The following RAB3IP variants were observed in gnomAD, a reference collection of about 807,000 sequenced individuals.
RAB3IP encodes the protein rab-3A-interacting protein.
In RAB3IP, 36 loss-of-function variants were observed where a neutral mutation model predicts 59.1. The ratio of observed to expected loss-of-function variants is 0.61; its 90% CI spans 0.47 to 0.80. The LOEUF (loss-of-function observed/expected upper bound fraction) is 0.80. Ranked by LOEUF, RAB3IP falls within the 30% of genes least tolerant of loss-of-function variation. RAB3IP has a pLI of 0.00. For missense variants in RAB3IP, 511 were observed against 536.0 expected, an observed-to-expected ratio of 0.95 and a Z score of 0.46; for synonymous variants, 207 against 191.2, an observed-to-expected ratio of 1.08 and a Z score of -0.68.
intron 3 of RAB3IP, among the ~76,000 whole-genome samples, chr12:69,762,523 C>T (rs538690506): frequency 4.0e-5 from 6 of 151,842 alleles, no homozygotes; most frequent in Admixed American, 6.5e-5. Flanking sequence ...TTTGGGAGGC[C>T]GAGGCGGGCA....
chr12:69,760,404 A>C lies in RAB3IP; in HGVS notation c.510+3741A>C, dbSNP rs565147548. ...GGCGAGGGAGACCGTGGGGAGAGGGAGAGGGAGACTGTGGGGAGAGGGAGA... is the reference window on the plus strand; with the variant it reads ...GGCGAGGGAGACCGTGGGGAGAGGGCGAGGGAGACTGTGGGGAGAGGGAGA... On this transcript the variant is annotated intron_variant, in intron 3 of 10. Coordinates refer to ENST00000247833, the MANE Select transcript of RAB3IP (RefSeq NM_022456.5). Among the ~76,000 whole-genome samples, 829 of 152,126 alleles carry C rather than the reference A, an allele frequency of 5.4e-3. 3 individuals carry two copies. The highest frequency in any genetic ancestry group is 8.0e-3 in the Non-Finnish European group (546 of 67,956).
intron 1 of RAB3IP, among the ~76,000 whole-genome samples, chr12:69,745,104 C>T (rs1868276095): frequency 6.6e-6 from 1 of 152,074 alleles, no homozygotes; most frequent in Non-Finnish European, 1.5e-5. Flanking sequence ...TCATGTAGCC[C>T]AGTAACTATC....
intron 10 of RAB3IP, among the ~76,000 whole-genome samples, chr12:69,814,523 G>A (rs961408709): frequency 6.6e-6 from 1 of 152,044 alleles, no homozygotes; most frequent in African/African-American, 2.4e-5. Context: ...TCTTTGTTGT[G>A]GGGGACGGTC....
intron 1 of RAB3IP, among the ~76,000 whole-genome samples, chr12:69,751,754 T>C (rs1869341957): frequency 6.6e-6 from 1 of 152,138 alleles, no homozygotes; most frequent in South Asian, 2.1e-4. Context: ...ATTTATGTTG[T>C]TATGTTTTAA....
chr12:69,781,740 G>C (rs1411404439), intron 3 of RAB3IP, among the ~76,000 whole-genome samples: 2 of 152,158 alleles, frequency 1.3e-5, no homozygotes, highest in South Asian at 2.1e-4. Flanking sequence ...ATATTTCACT[G>C]TCTGGATGTA....
chr12:69,739,730 G>A lies in RAB3IP; in HGVS notation c.-26+699G>A, dbSNP rs1887092469. 2.9e-6 allele frequency: 3 copies of A among 1,030,834 alleles called. No individual in the cohort carries two copies. The Admixed American group carries it at 5.4e-5, about 19-fold the overall frequency. 63.9% of individuals were successfully genotyped at this position (1,030,834 alleles called of 1,614,324 possible). On this transcript the variant is annotated intron_variant, in intron 1 of 10. Transcript: ENST00000247833. ...CGAACTGCACGGGTGGGATTGCATG[G>A]CTCTGCCCTCCCAGCGTTGACAACT... is the stretch of plus-strand genomic sequence containing the variant.
intron 6 of RAB3IP, among the ~76,000 whole-genome samples, chr12:69,798,671 G>A (rs1400009444): frequency 6.6e-6 from 1 of 152,178 alleles, no homozygotes; most frequent in Non-Finnish European, 1.5e-5. Context: ...TAACATTTAA[G>A]TCTTTAATCC....
chr12:69,797,452 G>A (rs1324209448), intron 6 of RAB3IP, among the ~76,000 whole-genome samples: 1 of 140,174 alleles, frequency 7.1e-6, no homozygotes, highest in African/African-American at 2.7e-5. Flanking sequence ...CCTGCTTTGG[G>A]GTTTATGTCC....
At chr12:69,800,391 T>C (rs1670897268) in intron 7 of RAB3IP, 54 bp downstream of exon 7, 3 of 1,074,694 alleles carry the variant, frequency 2.8e-6, no homozygotes, top group Non-Finnish European at 4.0e-6. Flanking sequence ...TGTACTTCTT[T>C]TAAACTAAAT....
In RAB3IP at chr12:69,746,109, A is replaced by G. The variant is rs181345690; in HGVS notation, c.-26+7078A>G. 1.6e-3 allele frequency among the ~76,000 whole-genome samples: 239 copies of G among 152,310 alleles called. 1 individual carries two copies. Among genetic ancestry groups the G allele is most frequent in the African/African-American group, 5.6e-3 (232 of 41,558 alleles). On this transcript the variant is annotated intron_variant, in intron 1 of 10. Transcript: ENST00000247833. ...GCCTCCATCCCCTCATTCCCAGTGCATGACCTTGGCATTAGATCAGACAGT... is the reference window on the plus strand; with the variant it reads ...GCCTCCATCCCCTCATTCCCAGTGCGTGACCTTGGCATTAGATCAGACAGT...
chr12:69,762,944 A>G (rs560159137), intron 3 of RAB3IP, among the ~76,000 whole-genome samples: 1 of 152,106 alleles, frequency 6.6e-6, no homozygotes, highest in Non-Finnish European at 1.5e-5. Context: ...AAACATTAAC[A>G]AATATTTTTT....
intron 1 of RAB3IP, among the ~76,000 whole-genome samples, chr12:69,740,199 G>A (rs965406498): frequency 6.6e-6 from 1 of 152,086 alleles, no homozygotes; most frequent in African/African-American, 2.4e-5. Flanking sequence ...GACAAATCAA[G>A]GAGAAAAGAG....
chr12:69,819,869 T>C lies in RAB3IP; in HGVS notation c.*4423T>C, dbSNP rs1031856332. The C allele has an allele frequency of 3.9e-5, 6 of 152,210 alleles. No homozygotes were observed. The highest frequency in any genetic ancestry group is 6.5e-5 in the Admixed American group (1 of 15,274). The allele number at this position is 152,210 out of a possible 1,614,324, so 9.4% of individuals were successfully genotyped here. On this transcript the variant is annotated 3_prime_UTR_variant, in exon 11 of 11. Transcript: ENST00000247833. ...AAGGTTAGTTAGGTGGCCACTCCTC[T>C]CTCTTCATGGTCTCTCTCAGCTTGA...
At chr12:69,799,957 A>T (rs529046536) in intron 6 of RAB3IP, among the ~76,000 whole-genome samples, 2 of 152,066 alleles carry the variant, frequency 1.3e-5, no homozygotes, top group Non-Finnish European at 2.9e-5. Flanking sequence ...GAAAAAGGCT[A>T]ATTGGTTATT....
At chr12:69,813,388 G>A (rs1880737476) in intron 10 of RAB3IP, among the ~76,000 whole-genome samples, 1 of 152,154 alleles carries the variant, frequency 6.6e-6, no homozygotes, top group Non-Finnish European at 1.5e-5. Context: ...GAGTAGGCCA[G>A]CAAAGTGGTC....
intron 4 of RAB3IP, among the ~76,000 whole-genome samples, chr12:69,787,161 A>T (rs960674599): frequency 6.6e-6 from 1 of 152,172 alleles, no homozygotes; most frequent in Admixed American, 6.5e-5. Context: ...GACATGTATA[A>T]TAGGAGTCTA....
At chr12:69,780,099 G>A (rs1874422624) in intron 3 of RAB3IP, among the ~76,000 whole-genome samples, 1 of 152,114 alleles carries the variant, frequency 6.6e-6, no homozygotes, top group East Asian at 1.9e-4. Context: ...TGGTGCTCCA[G>A]CCAGGATATA....
At chr12:69,766,634 C>G (rs943963540) in intron 3 of RAB3IP, among the ~76,000 whole-genome samples, 2 of 152,050 alleles carry the variant, frequency 1.3e-5, no homozygotes, top group Admixed American at 6.5e-5. Context: ...GATTCTCCTG[C>G]CTCAGTCTCC....
intron 3 of RAB3IP, among the ~76,000 whole-genome samples, chr12:69,760,763 G>A (rs1254608573): frequency 6.6e-6 from 1 of 151,986 alleles, no homozygotes; most frequent in Non-Finnish European, 1.5e-5. Flanking sequence ...CTCACAAGAA[G>A]TCTGCTGTTA....
Sources: allele counts gnomAD v4.1 joint callset (sites outside exome capture counted in the v4.1 genomes callset), GRCh38; gene constraint gnomAD v4.1.1; transcripts MANE v1.5; gene names NCBI Gene and HGNC (gene_info 2026-07-23, HGNC 2026-07-21).